Variants in RANBP2 observed in about 807,000 individuals in gnomAD.
RANBP2 encodes the protein E3 SUMO-protein ligase RanBP2.
A neutral mutation model predicts 303.6 loss-of-function variants in RANBP2; 57 were observed. That is an observed-to-expected ratio of 0.19 (90% CI 0.15 to 0.23). The LOEUF is 0.23. RANBP2 is among the 10% of genes least tolerant of loss of function. The probability of loss-of-function intolerance (pLI) is 1.00; values close to 1 mark genes in which losing one functional copy is unlikely to be tolerated. For missense variants in RANBP2, 3,138 were observed against 3,780.8 expected (o/e 0.83, Z 4.46); for synonymous variants, 1,167 against 1,301.5 (o/e 0.90, Z 2.23).
At chr2:108,757,538 G>T (rs1159972582) in intron 17 of RANBP2, among the ~76,000 whole-genome samples, 2 of 152,174 alleles carry the variant, frequency 1.3e-5, no homozygotes, top group East Asian at 3.8e-4. Context: ...ATTCTCTGCA[G>T]CTACTACTTT....
the RANBP2 span, chr2:109,615,351 A>G: frequency 6.2e-7 from 1 of 1,612,506 alleles, no homozygotes; most frequent in Non-Finnish European, 8.5e-7. Flanking sequence ...GGGCTTGCTC[A>G]CCTGCGAGCC....
At chr2:108,880,224 CAA>C in the RANBP2 span, among the ~76,000 whole-genome samples, 7 of 50,454 alleles carry the variant, frequency 1.4e-4, no homozygotes, top group African/African-American at 2.6e-4. Flanking sequence ...CAAAAACAAA[CAA>C]AAAAAAAAAC....
chr2:109,419,676 G>A, the RANBP2 span: 15 of 1,542,408 alleles, frequency 9.7e-6, no homozygotes, highest in East Asian at 2.9e-4. Context: ...GGGGTCCTGT[G>A]CCTGCAGCCC....
At chr2:109,447,406 A>G in the RANBP2 span, among the ~76,000 whole-genome samples, 30 of 152,156 alleles carry the variant, frequency 2.0e-4, no homozygotes, top group Non-Finnish European at 3.2e-4. Flanking sequence ...AGGATTAACG[A>G]GTGCATAGTT....
chr2:109,294,737 G>T, the RANBP2 span, among the ~76,000 whole-genome samples: 1 of 152,140 alleles, frequency 6.6e-6, no homozygotes, highest in South Asian at 2.1e-4. Flanking sequence ...GGAAGCTAGG[G>T]CCACACCCAA....
the RANBP2 span, among the ~76,000 whole-genome samples, chr2:108,937,009 C>A: frequency 2.0e-5 from 3 of 152,178 alleles, no homozygotes. Flanking sequence ...GCAGGGGAGG[C>A]CCCCCACAGT....
chr2:108,905,084 G>A, the RANBP2 span, among the ~76,000 whole-genome samples: 1 of 152,198 alleles, frequency 6.6e-6, no homozygotes, highest in Non-Finnish European at 1.5e-5. Context: ...ACAGATGCCT[G>A]GGATTCACCC....
the RANBP2 span, among the ~76,000 whole-genome samples, chr2:108,995,340 C>T: frequency 2.0e-5 from 3 of 152,106 alleles, no homozygotes; most frequent in Non-Finnish European, 4.4e-5. Context: ...AAAAATCACA[C>T]CTATTACAAC....
chr2:109,012,485 G>T, the RANBP2 span, among the ~76,000 whole-genome samples: 2 of 144,066 alleles, frequency 1.4e-5, no homozygotes, highest in Non-Finnish European at 3.1e-5. Flanking sequence ...CAGAAGGAAC[G>T]GCGGAGAGGG....
the RANBP2 span, chr2:109,616,251 A>ATTTT: frequency 1.1e-6 from 1 of 943,626 alleles, no homozygotes. Context: ...TTTTTCAGAG[A>ATTTT]TTCATCATAC....
the RANBP2 span, among the ~76,000 whole-genome samples, chr2:109,345,182 T>C: frequency 6.6e-5 from 10 of 152,174 alleles, no homozygotes; most frequent in African/African-American, 2.4e-5. Flanking sequence ...GCACCCCAGC[T>C]TTACCTGCCA....
the RANBP2 span, among the ~76,000 whole-genome samples, chr2:108,943,152 G>C: frequency 6.6e-6 from 1 of 152,136 alleles, no homozygotes; most frequent in Non-Finnish European, 1.5e-5. Flanking sequence ...TCAGGGTCTT[G>C]TTCTACCGGT....
chr2:108,997,630 G>A, the RANBP2 span, among the ~76,000 whole-genome samples: 2 of 151,962 alleles, frequency 1.3e-5, no homozygotes, highest in Admixed American at 6.6e-5. Context: ...GGTGGATCAC[G>A]CCTGTAATCC....
chr2:109,641,433 C>T, the RANBP2 span, among the ~76,000 whole-genome samples: 1 of 152,170 alleles, frequency 6.6e-6, no homozygotes, highest in African/African-American at 2.4e-5. Context: ...GAAATCCTGT[C>T]ACATGCCACA....
At chr2:108,722,022 ACT>A (rs1181680282) in intron 1 of RANBP2, among the ~76,000 whole-genome samples, 2 of 146,060 alleles carry the variant, frequency 1.4e-5, no homozygotes, top group African/African-American at 5.1e-5. Flanking sequence ...GGTGTGAGCC[ACT>A]CTGCTCAGCC....
At chr2:109,045,025 T>A in the RANBP2 span, among the ~76,000 whole-genome samples, 130,810 of 152,200 alleles carry the variant, frequency 0.86, 58,258 homozygotes, top group Non-Finnish European at 0.97. Context: ...CAAAAGTTTA[T>A]CTGCCCTGTG....
chr2:108,792,161 C>T, the RANBP2 span, among the ~76,000 whole-genome samples: 1 of 152,130 alleles, frequency 6.6e-6, no homozygotes, highest in African/African-American at 2.4e-5. Flanking sequence ...TATCTGGCTG[C>T]ATTTCATAGT....
At chr2:109,713,119 C>T in the RANBP2 span, among the ~76,000 whole-genome samples, 1 of 152,178 alleles carries the variant, frequency 6.6e-6, no homozygotes, top group East Asian at 1.9e-4. Context: ...CCTCCTCTTG[C>T]ACTGGCCACC....
the RANBP2 span, among the ~76,000 whole-genome samples, chr2:109,453,612 C>T: frequency 6.6e-6 from 1 of 152,194 alleles, no homozygotes; most frequent in African/African-American, 2.4e-5. Flanking sequence ...TGCCCCAATC[C>T]CTGACTCATC....
Sources: allele counts gnomAD v4.1 joint callset (sites outside exome capture counted in the v4.1 genomes callset), GRCh38; gene constraint gnomAD v4.1.1; transcripts MANE v1.5; gene names NCBI Gene and HGNC (gene_info 2026-07-23, HGNC 2026-07-21).